Variants in BCL2L13 observed in about 807,000 individuals in gnomAD.
The protein encoded by BCL2L13 is bcl-2-like protein 13.
Under a neutral mutation model 25.8 loss-of-function variants are expected in BCL2L13, and 13 were observed. That is an observed-to-expected ratio of 0.50 (90% CI 0.33 to 0.80). BCL2L13 has a LOEUF of 0.80. Among genes scored for constraint, BCL2L13 ranks in the 30% least tolerant of loss-of-function variants. The pLI, the probability that BCL2L13 is intolerant of heterozygous loss-of-function variation, is 0.02. For missense variants in BCL2L13, 504 were observed against 574.9 expected (o/e 0.88, Z 1.26); for synonymous variants, 244 against 230.3 (o/e 1.06, Z -0.54).
At chr22:17,659,432 C>T (rs1394816535) in intron 2 of BCL2L13, among the ~76,000 whole-genome samples, 5 of 144,714 alleles carry the variant, frequency 3.5e-5, no homozygotes, top group Non-Finnish European at 3.1e-5. Flanking sequence ...GAGGCTGAGG[C>T]GGGTGGATCA....
chr22:17,678,873 A>C (rs1249590644), intron 2 of BCL2L13, among the ~76,000 whole-genome samples: 1 of 152,212 alleles, frequency 6.6e-6, no homozygotes, highest in Non-Finnish European at 1.5e-5. Flanking sequence ...TTAGTGGCCC[A>C]GTTCATGCTG....
intron 5 of BCL2L13, among the ~76,000 whole-genome samples, chr22:17,700,380 G>C (rs2060397885): frequency 1.3e-5 from 2 of 152,132 alleles, no homozygotes; most frequent in Middle Eastern, 3.2e-3. Flanking sequence ...ATATATGAAA[G>C]AGTTAAATTT....
upstream of BCL2L13, chr22:17,638,502 T>C (rs2058150867): frequency 4.8e-6 from 2 of 416,616 alleles, no homozygotes; most frequent in African/African-American, 4.1e-5. Flanking sequence ...CGCCTGCCCT[T>C]CCTCCAACAC....
At chr22:17,637,172 C>T (rs144082355), upstream of BCL2L13, among the ~76,000 whole-genome samples, 8,717 of 151,952 alleles carry the variant, frequency 0.057, 445 homozygotes, top group African/African-American at 0.14. Context: ...TTTGGGAGGC[C>T]AAGGCGAGTG....
intron 6 of BCL2L13, among the ~76,000 whole-genome samples, chr22:17,715,143 TATATATATATATATATATATATATA>T (rs1569007506): frequency 0.061 from 633 of 10,332 alleles, 52 homozygotes; most frequent in South Asian, 0.1. Flanking sequence ...TATATATATA[TATATATATATATATATATATATATA>T]TATTTTTTTT....
At chr22:17,640,054 A>G (rs2058218486) in intron 1 of BCL2L13, among the ~76,000 whole-genome samples, 1 of 151,956 alleles carries the variant, frequency 6.6e-6, no homozygotes, top group African/African-American at 2.4e-5. Flanking sequence ...GGGTTTCATC[A>G]TGTTGGTCAG....
Position 17,729,685 on chromosome 22 carries a change from G to A in BCL2L13, c.*2151G>A, listed in dbSNP as rs920219969. 6.6e-6 allele frequency: 1 copy of A among 152,258 alleles called. No homozygotes were observed. Among genetic ancestry groups the A allele is most frequent in the Admixed American group, 6.5e-5 (1 of 15,286 alleles). 9.4% of individuals were successfully genotyped at this position (152,258 alleles called of 1,614,324 possible). On this transcript the variant is annotated 3_prime_UTR_variant, in exon 7 of 7. Transcript: ENST00000317582. ...AAGGAAAGAATAAGGAAGAAATGTG[G>A]TATGGAAGCGGCTACTTGCTGCTTT... is the stretch of plus-strand genomic sequence containing the variant.
chr22:17,710,067 TAAAAAAAAAAAA>T (rs71201876), intron 6 of BCL2L13, among the ~76,000 whole-genome samples: 19,995 of 92,170 alleles, frequency 0.22, 2,011 homozygotes, highest in Middle Eastern at 0.35. Context: ...GACCTTGTCT[TAAAAAAAAAAAA>T]AAAAAAAAAA....
rs2587103 is a variant in BCL2L13, at chr22:17,665,688, T to G, written c.121+9856T>G. On this transcript the variant is annotated intron_variant, in intron 2 of 6. Coordinates refer to ENST00000317582, the MANE Select transcript of BCL2L13 (RefSeq NM_015367.4). The stretch of plus-strand genomic sequence containing the variant: ...TTCATCTATGTTATAGCATAAATAA[T>G]CTTCCTATCACCAGTGTACAGAGGT... 1.0e-3 allele frequency among the ~76,000 whole-genome samples: 156 copies of G among 152,208 alleles called. 1 individual carries two copies. Among genetic ancestry groups the G allele is most frequent in the Middle Eastern group, 3.4e-3 (1 of 294 alleles).
rs1209872748 is a variant in BCL2L13 at position 17,711,385 on chromosome 22, C to G, written c.600+8999C>G. Among the ~76,000 whole-genome samples the G allele has an allele frequency of 4.1e-5, 6 of 147,946 alleles. No homozygotes were observed. In the South Asian group the frequency reaches 1.1e-3, roughly 26 times the overall value. On this transcript the variant is annotated intron_variant, in intron 6 of 6. Transcript: ENST00000317582. ...CAATCTCGGCTCACTGCATCCTTTACCTCCTGGGCTCAAACGATCCTCCCA... is the reference window on the plus strand; with the variant it reads ...CAATCTCGGCTCACTGCATCCTTTAGCTCCTGGGCTCAAACGATCCTCCCA...
chr22:17,669,292 A>G (rs2059343914), intron 2 of BCL2L13, among the ~76,000 whole-genome samples: 2 of 151,966 alleles, frequency 1.3e-5, no homozygotes, highest in South Asian at 2.1e-4. Context: ...TCGGCCTCCC[A>G]CAGTGCTGGG....
At chr22:17,658,050 G>A (rs113539433) in intron 2 of BCL2L13, among the ~76,000 whole-genome samples, 1 of 151,486 alleles carries the variant, frequency 6.6e-6, no homozygotes, top group East Asian at 2.0e-4. Flanking sequence ...TCGATCTCCT[G>A]ACCTCGTGAT....
intron 1 of BCL2L13, among the ~76,000 whole-genome samples, chr22:17,641,466 C>T (rs758993802): frequency 2.6e-5 from 4 of 152,096 alleles, no homozygotes; most frequent in Non-Finnish European, 4.4e-5. Context: ...AGGCACATGT[C>T]ATGCATTAGC....
Position 17,638,768 on chromosome 22 carries a change from T to G in BCL2L13, c.-169T>G, listed in dbSNP as rs2058157571. The G allele has an allele frequency of 1.6e-6, 2 of 1,231,614 alleles. No individual in the cohort carries two copies. Among genetic ancestry groups the G allele is most frequent in the Non-Finnish European group, 2.0e-6 (2 of 987,924 alleles). 76.3% of individuals were successfully genotyped at this position (1,231,614 alleles called of 1,614,324 possible). On this transcript the variant is annotated 5_prime_UTR_variant, in exon 1 of 7. It removes an upstream start codon present in the reference 5' UTR. Coordinates refer to ENST00000317582, the MANE Select transcript of BCL2L13 (RefSeq NM_015367.4). ...GCCGGGGTGACCTCACCCTCCAACA[T>G]GGCGGCGGCGGTAGATTAGGGCCGC...
At position 17,727,600 on chromosome 22, in the gene BCL2L13, C is replaced by G. The variant is rs1253035748; in HGVS notation, c.*66C>G. On this transcript the variant is annotated 3_prime_UTR_variant, in exon 7 of 7. Coordinates refer to ENST00000317582, the MANE Select transcript of BCL2L13 (RefSeq NM_015367.4). ...GAGTTGTATTGGCTGGAATTTGAAC[C>G]TCCAGCAGCTGTCTGGACATTTGTG... 1.3e-6 allele frequency: 2 copies of G among 1,575,724 alleles called. No individual in the cohort carries two copies. The highest frequency in any genetic ancestry group is 2.2e-5 in the East Asian group (1 of 44,446).
chr22:17,660,072 T>G (rs1301786208), intron 2 of BCL2L13, among the ~76,000 whole-genome samples: 1 of 146,050 alleles, frequency 6.8e-6, no homozygotes, highest in African/African-American at 2.4e-5. Flanking sequence ...GCCAGGCTGG[T>G]CTCGAACTCT....
intron 2 of BCL2L13, among the ~76,000 whole-genome samples, chr22:17,671,393 CAAAAAAAAA>C (rs33951569): frequency 2.9e-5 from 2 of 69,104 alleles, no homozygotes; most frequent in South Asian, 5.0e-4. Context: ...GACTCCATCT[CAAAAAAAAA>C]AAAAAAAAAA....
chr22:17,679,799 T>A (rs1226234773), intron 2 of BCL2L13, among the ~76,000 whole-genome samples: 1 of 152,126 alleles, frequency 6.6e-6, no homozygotes, highest in African/African-American at 2.4e-5. Flanking sequence ...TATGTTCTAG[T>A]CTCTGGATAC....
chr22:17,652,075 C>T (rs1338033746), intron 1 of BCL2L13, among the ~76,000 whole-genome samples: 3 of 152,168 alleles, frequency 2.0e-5, no homozygotes, highest in East Asian at 1.9e-4. Context: ...GCAGATGCTC[C>T]TCAACTTATG....
Sources: gnomAD v4.1 joint callset for allele counts (sites outside exome capture counted in the v4.1 genomes callset) on GRCh38, gnomAD v4.1.1 for gene constraint, MANE v1.5 for transcripts, NCBI Gene and HGNC (gene_info 2026-07-23, HGNC 2026-07-21) for gene names.